The following SYT14 variants were observed in gnomAD, a reference collection of about 807,000 sequenced individuals.
The protein encoded by SYT14 is synaptotagmin-14.
SYT14 carries 32 observed loss-of-function variants against 74.2 expected under a neutral mutation model. The observed-to-expected ratio is 0.43, with a 90% CI of 0.33 to 0.58. The LOEUF (loss-of-function observed/expected upper bound fraction) is 0.58, where lower values mean the gene tolerates loss of function less well. SYT14 is among the 20% of genes least tolerant of loss of function. The pLI, the probability that SYT14 is intolerant of heterozygous loss-of-function variation, is 0.05. For synonymous variants in SYT14, 298 were observed against 337.7 expected (o/e 0.88, Z 1.29); for missense variants, 791 against 981.8 (o/e 0.81, Z 2.60).
chr1:210,154,045 GT>G (rs1167289767), intron 7 of SYT14, among the ~76,000 whole-genome samples: 1 of 152,198 alleles, frequency 6.6e-6, no homozygotes, highest in Non-Finnish European at 1.5e-5. Flanking sequence ...ATCTGAAAGA[GT>G]TTGTGTAAAA....
At chr1:209,938,304 G>C (rs1036557654) in intron 1 of SYT14, 27 bp downstream of exon 1, 2 of 1,550,952 alleles carry the variant, frequency 1.3e-6, no homozygotes, top group Non-Finnish European at 1.7e-6. Context: ...AGCGGGGAGC[G>C]AGGACCGGGA....
chr1:209,978,236 C>T (rs966876078), intron 2 of SYT14, among the ~76,000 whole-genome samples: 8 of 152,182 alleles, frequency 5.3e-5, no homozygotes, highest in East Asian at 1.9e-4. Flanking sequence ...AGCTTTGTTC[C>T]GTTGCTGGTG....
chr1:209,996,009 G>A (rs1431740429), intron 2 of SYT14, among the ~76,000 whole-genome samples: 1 of 152,026 alleles, frequency 6.6e-6, no homozygotes, highest in African/African-American at 2.4e-5. Flanking sequence ...AGCCCTAAAT[G>A]CCTTCATCAA....
At chr1:209,961,284 T>C (rs1434144660) in intron 2 of SYT14, among the ~76,000 whole-genome samples, 2 of 152,126 alleles carry the variant, frequency 1.3e-5, no homozygotes, top group Non-Finnish European at 2.9e-5. Context: ...TATTCTGACT[T>C]TTTGGGGGCT....
intron 2 of SYT14, chr1:209,952,965 TG>T: frequency 7.8e-7 from 1 of 1,280,934 alleles, no homozygotes; most frequent in Non-Finnish European, 1.1e-6. Flanking sequence ...TTAGTTTTGA[TG>T]GGCTAATAAA....
intron 7 of SYT14, among the ~76,000 whole-genome samples, chr1:210,125,227 C>T (rs1038118124): frequency 2.0e-5 from 3 of 151,554 alleles, no homozygotes; most frequent in African/African-American, 7.3e-5. Context: ...ACCCTCCCCC[C>T]TTTTGAAATT....
At chr1:210,016,616 A>C in exon 4 of SYT14, 1 of 1,231,976 alleles carries the variant, frequency 8.1e-7, no homozygotes, top group East Asian at 3.2e-5. Context: ...GAAGAATGCC[A>C]ACGGAATAAA....
At chr1:209,944,316 G>A (rs2078786475) in intron 1 of SYT14, among the ~76,000 whole-genome samples, 1 of 152,136 alleles carries the variant, frequency 6.6e-6, no homozygotes, top group Non-Finnish European at 1.5e-5. Flanking sequence ...AAACGTAATT[G>A]ACTAAACGGA....
intron 2 of SYT14, among the ~76,000 whole-genome samples, chr1:209,983,704 G>A (rs916412188): frequency 6.6e-6 from 1 of 151,982 alleles, no homozygotes; most frequent in Non-Finnish European, 1.5e-5. Context: ...TTCTAATTTT[G>A]GATCTTCCTC....
At chr1:210,016,725 A>C in exon 4 of SYT14, 1 of 1,231,906 alleles carries the variant, frequency 8.1e-7, no homozygotes, top group African/African-American at 1.5e-5. Context: ...GATCAAGAGA[A>C]TATGGGGCAT....
chr1:210,155,048 T>C (rs1439971566), intron 7 of SYT14, among the ~76,000 whole-genome samples: 1 of 152,182 alleles, frequency 6.6e-6, no homozygotes, highest in Admixed American at 6.5e-5. Context: ...TTTCTAGTTC[T>C]GGCCATTTTT....
chr1:210,074,053 T>C (rs2081444342), intron 5 of SYT14, among the ~76,000 whole-genome samples: 1 of 152,136 alleles, frequency 6.6e-6, no homozygotes, highest in Non-Finnish European at 1.5e-5. Context: ...AAAACAAATT[T>C]AGAAGTTCCA....
intron 7 of SYT14, among the ~76,000 whole-genome samples, chr1:210,142,188 C>T (rs1402391021): frequency 3.3e-5 from 5 of 152,172 alleles, no homozygotes; most frequent in African/African-American, 1.2e-4. Context: ...CTTCCCCCCT[C>T]CAGCATCTAT....
intron 7 of SYT14, among the ~76,000 whole-genome samples, chr1:210,116,264 A>G (rs912292703): frequency 6.6e-6 from 1 of 152,144 alleles, no homozygotes; most frequent in Non-Finnish European, 1.5e-5. Flanking sequence ...TTCATAGGGT[A>G]TGTATATTAT....
chr1:210,055,322 A>G (rs1484297597), intron 5 of SYT14, among the ~76,000 whole-genome samples: 2 of 152,196 alleles, frequency 1.3e-5, no homozygotes, highest in Non-Finnish European at 2.9e-5. Context: ...TTCTGAATAA[A>G]TGGTAGCTAT....
chr1:209,998,387 A>G (rs2079835422), intron 2 of SYT14, among the ~76,000 whole-genome samples: 1 of 152,154 alleles, frequency 6.6e-6, no homozygotes, highest in African/African-American at 2.4e-5. Context: ...AAAGTGGTCT[A>G]CACATTCAGT....
chr1:210,137,267 A>G (rs1035966007), intron 7 of SYT14, among the ~76,000 whole-genome samples: 3 of 152,118 alleles, frequency 2.0e-5, no homozygotes, highest in Admixed American at 1.3e-4. Context: ...TTCACCTCCT[A>G]TGCTCACATT....
intron 5 of SYT14, among the ~76,000 whole-genome samples, chr1:210,063,888 A>T (rs755086438): frequency 3.3e-5 from 5 of 151,804 alleles, no homozygotes; most frequent in Non-Finnish European, 7.4e-5. Flanking sequence ...GTATTTTTTT[A>T]AAAATCAACT....
At chr1:209,993,065 G>T (rs1379950639) in intron 2 of SYT14, among the ~76,000 whole-genome samples, 1 of 152,170 alleles carries the variant, frequency 6.6e-6, no homozygotes, top group Non-Finnish European at 1.5e-5. Context: ...TCTTGCTGGG[G>T]ATAGGCAGAG....
Sources: gnomAD v4.1 joint callset for allele counts (sites outside exome capture counted in the v4.1 genomes callset) on GRCh38, gnomAD v4.1.1 for gene constraint, MANE v1.5 for transcripts, NCBI Gene and HGNC (gene_info 2026-07-23, HGNC 2026-07-21) for gene names.